The following SMAP2 variants were observed in gnomAD, a reference collection of about 807,000 sequenced individuals.
SMAP2 encodes the protein small ArfGAP2.
SMAP2 carries 25 observed loss-of-function variants against 56.4 expected under a neutral mutation model. That is an observed-to-expected ratio of 0.44 (90% CI 0.32 to 0.62). The LOEUF (loss-of-function observed/expected upper bound fraction) is 0.62, where lower values mean the gene tolerates loss of function less well. SMAP2 is among the 20% of genes least tolerant of loss of function. SMAP2 has a pLI of 0.04. For missense variants in SMAP2, 388 were observed against 545.6 expected (o/e 0.71, Z 2.88); for synonymous variants, 157 against 181.7 (o/e 0.86, Z 1.09).
chr1:40,375,885 C>A, intron 1 of SMAP2: 2 of 483,070 alleles, frequency 4.1e-6, no homozygotes, highest in Non-Finnish European at 5.4e-6. Flanking sequence ...TAAAATACAG[C>A]ACATGGAAGA....
chr1:40,396,674 C>T (rs1195393482), intron 1 of SMAP2: 1 of 198,486 alleles, frequency 5.0e-6, no homozygotes, highest in Non-Finnish European at 9.0e-6. Context: ...TCTCATGGTT[C>T]CTTAAAATGT....
intron 4 of SMAP2, among the ~76,000 whole-genome samples, chr1:40,410,709 A>G (rs765562320): frequency 5.3e-5 from 8 of 152,174 alleles, no homozygotes; most frequent in Non-Finnish European, 1.0e-4. Flanking sequence ...AATCTGCAAT[A>G]CAGTATATGA....
chr1:40,406,598 G>A, intron 1 of SMAP2, 138 bp from the exon 2 acceptor site: 1 of 859,774 alleles, frequency 1.2e-6, no homozygotes, highest in Non-Finnish European at 1.8e-6. Context: ...GGAGGAATGA[G>A]CAGAGTCAAT....
chr1:40,409,674 A>G lies in SMAP2; in HGVS notation c.324-83A>G, dbSNP rs1038806142. ...CAGGCAAGAGGGAAGGAGGAGAACA[A>G]TGCTCCGTGGAACACAATTGATCTT... On this transcript the variant is annotated intron_variant, in intron 3 of 9. Transcript: ENST00000372718. The G allele has an allele frequency of 1.0e-5, 10 of 956,962 alleles. No individual in the cohort carries two copies. In the Admixed American group the frequency reaches 1.7e-4, roughly 16 times the overall value. The allele number at this position is 956,962 out of a possible 1,614,324, so 59.3% of individuals were successfully genotyped here. A position where few individuals can be genotyped will look rare whatever the true frequency, so the allele number is the denominator to read the frequency against.
At chr1:40,397,573 T>A (rs1328522101) in intron 1 of SMAP2, among the ~76,000 whole-genome samples, 2 of 152,258 alleles carry the variant, frequency 1.3e-5, no homozygotes, top group African/African-American at 2.4e-5. Context: ...AATATATACA[T>A]TTATGTTGCT....
chr1:40,384,655 A>T (rs2124244269), intron 1 of SMAP2, among the ~76,000 whole-genome samples: 1 of 152,342 alleles, frequency 6.6e-6, no homozygotes, highest in Middle Eastern at 3.4e-3. Context: ...CAGAGGCCAC[A>T]GATAAAGGAC....
intron 1 of SMAP2, among the ~76,000 whole-genome samples, chr1:40,382,468 G>A (rs1644608033): frequency 6.6e-6 from 1 of 152,138 alleles, no homozygotes; most frequent in Non-Finnish European, 1.5e-5. Flanking sequence ...GCTTTACACT[G>A]TAAGCATACA....
rs201253226 is a variant in SMAP2 at position 40,386,740 on chromosome 1, GT to G, written c.103+12525del. ...ATAATCTAAACATCAGTAAATGCTGGTTTTTTTTAAAACAACAACAACTTTA... is the reference window on the plus strand; with the variant it reads ...ATAATCTAAACATCAGTAAATGCTGGTTTTTTTAAAACAACAACAACTTTA... On this transcript the variant is annotated intron_variant, in intron 1 of 9. Coordinates refer to ENST00000372718, the MANE Select transcript of SMAP2 (RefSeq NM_022733.3). The surrounding 1 kb of genome is among the most constrained non-coding windows in gnomAD (Gnocchi z 4.1). Among the ~76,000 whole-genome samples, 87 of 110,714 alleles carry G rather than the reference GT, an allele frequency of 7.9e-4. No individual in the cohort carries two copies. Among genetic ancestry groups the G allele is most frequent in the African/African-American group, 3.4e-3 (81 of 23,630 alleles). 72.6% of individuals were successfully genotyped at this position (110,714 alleles called of 152,430 possible).
intron 1 of SMAP2, among the ~76,000 whole-genome samples, chr1:40,361,363 G>A (rs1358754419): frequency 6.6e-6 from 1 of 152,110 alleles, no homozygotes; most frequent in Non-Finnish European, 1.5e-5. Flanking sequence ...ACTCACCATG[G>A]GCCTTGGGTG....
rs1644992245 is a variant in SMAP2 at position 40,416,832 on chromosome 1, C to T, written c.900C>T (p.Phe300=). Residue 300 remains phenylalanine (F), a synonymous_variant, in exon 9 of 10, where the codon TTC becomes TTT. Transcript: ENST00000372718. The stretch of plus-strand genomic sequence containing the variant: ...CATATCCCACAGCCTACCCCAGCTT[C>T]CCCGGGGTTACACCTCCTAACAGCA... ...QMAYPTAYPS[F]PGVTPPNSIM... 1.9e-6 allele frequency: 3 copies of T among 1,611,704 alleles called. No homozygotes were observed. The highest frequency in any genetic ancestry group is 1.3e-5 in the African/African-American group (1 of 74,910).
At chr1:40,375,327 C>T (rs946455135) in intron 1 of SMAP2, among the ~76,000 whole-genome samples, 3 of 152,112 alleles carry the variant, frequency 2.0e-5, no homozygotes, top group African/African-American at 7.2e-5. Flanking sequence ...GGTTGTTTGC[C>T]GTACAGCGTA....
intron 1 of SMAP2, among the ~76,000 whole-genome samples, chr1:40,387,303 CATT>C (rs1329984246): frequency 2.6e-5 from 4 of 152,110 alleles, no homozygotes; most frequent in African/African-American, 4.8e-5. Flanking sequence ...TGGAATATGT[CATT>C]ATTATCTCTT....
intron 1 of SMAP2, among the ~76,000 whole-genome samples, chr1:40,382,594 G>A (rs1644609271): frequency 6.6e-6 from 1 of 152,174 alleles, no homozygotes; most frequent in African/African-American, 2.4e-5. Flanking sequence ...ATTGGCCCCT[G>A]GAATGTGACA....
intron 1 of SMAP2, among the ~76,000 whole-genome samples, chr1:40,395,816 G>T (rs1321777341): frequency 6.6e-6 from 1 of 152,152 alleles, no homozygotes; most frequent in Non-Finnish European, 1.5e-5. Context: ...CTGCTTTCCT[G>T]TTGATTTCTT....
At chr1:40,382,417 A>C (rs1347088211) in intron 1 of SMAP2, among the ~76,000 whole-genome samples, 1 of 152,230 alleles carries the variant, frequency 6.6e-6, no homozygotes, top group African/African-American at 2.4e-5. Context: ...TATTTCCTGT[A>C]AAAATGATGC....
intron 9 of SMAP2, among the ~76,000 whole-genome samples, chr1:40,421,356 A>C (rs1265099486): frequency 6.6e-6 from 1 of 152,082 alleles, no homozygotes; most frequent in Non-Finnish European, 1.5e-5. Context: ...CATCAGATTC[A>C]TGAAGGACCC....
rs982965251 is a variant in SMAP2 at position 40,374,072 on chromosome 1, T to G, written c.-49T>G. 5.5e-6 allele frequency: 8 copies of G among 1,464,534 alleles called. No homozygotes were observed. The African/African-American group carries it at 8.3e-5, about 15-fold the overall frequency. The allele number at this position is 1,464,534 out of a possible 1,614,324, so 90.7% of individuals were successfully genotyped here. A position where few individuals can be genotyped will look rare whatever the true frequency, so the allele number is the denominator to read the frequency against. On this transcript the variant is annotated 5_prime_UTR_variant, in exon 1 of 10. Coordinates refer to ENST00000372718, the MANE Select transcript of SMAP2 (RefSeq NM_022733.3). This position sits in a 1 kb window ranked among gnomAD's most constrained non-coding sequence, Gnocchi z 5.9. The stretch of plus-strand genomic sequence containing the variant: ...AACCCCGGACTGAGGCAGGGGTCTC[T>G]GGGGGCGAGGAGGGCGCGTCGCCCT...
chr1:40,383,201 G>A (rs1195366894), intron 1 of SMAP2, among the ~76,000 whole-genome samples: 1 of 152,212 alleles, frequency 6.6e-6, no homozygotes, highest in African/African-American at 2.4e-5. Context: ...GTGCACTGGT[G>A]TCACCAAGGG....
In SMAP2 at chr1:40,355,868, C is replaced by A. The variant is rs989577645; in HGVS notation, c.-82-6432C>A. 1.4e-4 allele frequency among the ~76,000 whole-genome samples: 22 copies of A among 152,250 alleles called. 1 individual carries two copies. In the South Asian group the frequency reaches 4.6e-3, roughly 32 times the overall value. ...CAAACGACCCACCTGCCTCAGCCCC[C>A]CCAAAATGCTGGGATTATAGGTGTG... On this transcript the variant is annotated intron_variant, in intron 1 of 6. Transcript: ENST00000435168.
Sources: allele counts gnomAD v4.1 joint callset (sites outside exome capture counted in the v4.1 genomes callset), GRCh38; gene constraint gnomAD v4.1.1; non-coding constraint Gnocchi (gnomAD v3.1); transcripts MANE v1.5; gene names NCBI Gene and HGNC (gene_info 2026-07-23, HGNC 2026-07-21).